Variants in DYNC1LI2 observed in about 807,000 individuals in gnomAD.
DYNC1LI2 encodes the protein dynein cytoplasmic 1 light intermediate chain 2.
DYNC1LI2 carries 19 observed loss-of-function variants against 57.8 expected under a neutral mutation model. The observed-to-expected ratio is 0.33, with a 90% CI of 0.23 to 0.48. The LOEUF (loss-of-function observed/expected upper bound fraction) is 0.48, where lower values mean the gene tolerates loss of function less well. Ranked by LOEUF, DYNC1LI2 falls within the 20% of genes least tolerant of loss-of-function variation. DYNC1LI2 has a pLI of 0.99. For missense variants in DYNC1LI2, 470 were observed against 604.2 expected, an observed-to-expected ratio of 0.78 and a Z score of 2.33; for synonymous variants, 256 against 233.4, an observed-to-expected ratio of 1.10 and a Z score of -0.88.
chr16:66,751,426 G>C lies in DYNC1LI2; in HGVS notation c.107+59C>G, dbSNP rs1567460277. ...CTCGCGTCGGCCCCTCAGTGTGTCC[G>C]ACGGTCCGGCCCAGAGGCCGCGCCC... is the stretch of plus-strand genomic sequence containing the variant. On this transcript the variant is annotated intron_variant, in intron 1 of 12. Transcript: ENST00000258198. The surrounding 1 kb of genome is among the most constrained non-coding windows in gnomAD (Gnocchi z 5.2). 1 of 1,587,904 alleles carries C rather than the reference G, an allele frequency of 6.3e-7. No individual in the cohort carries two copies. The highest frequency in any genetic ancestry group is 8.6e-7 in the Non-Finnish European group (1 of 1,169,536).
At chr16:66,742,805 C>T (rs1282812699) in intron 3 of DYNC1LI2, 137 bp from the exon 4 acceptor site, 11 of 932,882 alleles carry the variant, frequency 1.2e-5, no homozygotes, top group Non-Finnish European at 1.6e-5. Context: ...GAAATCCAAA[C>T]CAAAAAGTGC....
At chr16:66,736,658 C>T (rs953487426) in intron 4 of DYNC1LI2, among the ~76,000 whole-genome samples, 20 of 152,128 alleles carry the variant, frequency 1.3e-4, no homozygotes, top group Admixed American at 6.5e-5. Context: ...CCACCATGCC[C>T]AGCTACTTTT....
chr16:66,732,408 ATATACT>A lies in DYNC1LI2; in HGVS notation c.854_859del (p.Lys285_Tyr286del). The A allele has an allele frequency of 6.2e-7, 1 of 1,614,028 alleles. No homozygotes were observed. Among genetic ancestry groups the A allele is most frequent in the Non-Finnish European group, 8.5e-7 (1 of 1,180,000 alleles). On this transcript the variant is annotated inframe_deletion, in exon 7 of 13. Transcript: ENST00000258198. Reference sequence around the variant, plus strand: ...GTGGAAACCGTATGTTTTATGAACAATATACTTATACAACAAGTCGAGGTTTTTCTC... The same window carrying A: ...GTGGAAACCGTATGTTTTATGAACAATATACAACAAGTCGAGGTTTTTCTC...
Position 66,751,230 on chromosome 16 carries a change from C to T in DYNC1LI2, c.181+43G>A. The T allele has an allele frequency of 6.3e-7, 1 of 1,596,858 alleles. No homozygotes were observed. The highest frequency in any genetic ancestry group is 1.8e-4 in the Middle Eastern group (1 of 5,462). On this transcript the variant is annotated intron_variant, in intron 2 of 12. Coordinates refer to ENST00000258198, the MANE Select transcript of DYNC1LI2 (RefSeq NM_006141.3). The surrounding 1 kb of genome is among the most constrained non-coding windows in gnomAD (Gnocchi z 5.2). ...CCTGAGGGAGGGGCGCCCGCCTCGC[C>T]CACCCCAGCGACCTGGGGCAACGCC...
At position 66,722,059 on chromosome 16, in the gene DYNC1LI2, C is replaced by T; in HGVS notation, c.*1663G>A. 1 of 152,618 alleles carries T rather than the reference C, an allele frequency of 6.6e-6. No individual in the cohort carries two copies. 9.5% of individuals were successfully genotyped at this position (152,618 alleles called of 1,614,324 possible). The stretch of plus-strand genomic sequence containing the variant: ...TTAAAAAAGGAAAAAAATAGTATAT[C>T]TCAACAATAAAACTGGCACAAGAAA... On this transcript the variant is annotated 3_prime_UTR_variant, in exon 13 of 13. Transcript: ENST00000258198.
chr16:66,732,155 AC>A (rs2017648310), intron 7 of DYNC1LI2, 183 bp downstream of exon 7: 1 of 791,980 alleles, frequency 1.3e-6, no homozygotes, highest in Admixed American at 3.3e-5. Flanking sequence ...AGCACCCCTG[AC>A]CACACCACCC....
intron 3 of DYNC1LI2, among the ~76,000 whole-genome samples, chr16:66,748,248 A>T (rs2017973358): frequency 7.3e-6 from 1 of 137,460 alleles, no homozygotes; most frequent in Admixed American, 8.2e-5. Flanking sequence ...ACTGCACCCC[A>T]GCCTGGGTGA....
chr16:66,751,192 G>C lies in DYNC1LI2; in HGVS notation c.181+81C>G, dbSNP rs949491339. The C allele has an allele frequency of 6.8e-7, 1 of 1,473,732 alleles. No individual in the cohort carries two copies. Among genetic ancestry groups the C allele is most frequent in the South Asian group, 1.2e-5 (1 of 80,328 alleles). The allele number at this position is 1,473,732 out of a possible 1,614,324, so 91.3% of individuals were successfully genotyped here. On this transcript the variant is annotated intron_variant, in intron 2 of 12. Coordinates refer to ENST00000258198, the MANE Select transcript of DYNC1LI2 (RefSeq NM_006141.3). The surrounding 1 kb of genome is among the most constrained non-coding windows in gnomAD (Gnocchi z 5.2). ...AGGCTGCGGGCAGGCGGCTGGAACG[G>C]GGAAGGCGGGGACCTGAGGGAGGGG... is the stretch of plus-strand genomic sequence containing the variant.
At chr16:66,738,045 C>T (rs183800619) in intron 4 of DYNC1LI2, among the ~76,000 whole-genome samples, 23 of 152,290 alleles carry the variant, frequency 1.5e-4, no homozygotes, top group African/African-American at 5.1e-4. Context: ...AAAGGTCCTA[C>T]CTGCTCCTCT....
chr16:66,737,923 A>G lies in DYNC1LI2; in HGVS notation c.530-1679T>C, dbSNP rs936818543. Among the ~76,000 whole-genome samples, 4 of 152,196 alleles carry G rather than the reference A, an allele frequency of 2.6e-5. No individual in the cohort carries two copies. The East Asian group carries it at 7.7e-4, about 29-fold the overall frequency. On this transcript the variant is annotated intron_variant, in intron 4 of 12. Transcript: ENST00000258198. ...TTAAAGCTACCTTGAGCCAGAGAAG[A>G]AAACAGGCAGCTCTACCCTTCTAAG...
At chr16:66,733,620 G>A (rs918958726) in intron 6 of DYNC1LI2, 10 of 152,848 alleles carry the variant, frequency 6.5e-5, no homozygotes, top group Middle Eastern at 3.3e-3. Context: ...CAGGAGGGTC[G>A]CTTGAACATA....
In DYNC1LI2 at chr16:66,721,237, A is replaced by G. The variant is rs1308345661; in HGVS notation, c.*2485T>C. Reference sequence around the variant, plus strand: ...CCAATCAAAAAAAAGTGCAAACAAAATAACAATCTAGCAGCATTATCTGTT... The same window carrying G: ...CCAATCAAAAAAAAGTGCAAACAAAGTAACAATCTAGCAGCATTATCTGTT... On this transcript the variant is annotated 3_prime_UTR_variant, in exon 13 of 13. Transcript: ENST00000258198. 1 of 152,642 alleles carries G rather than the reference A, an allele frequency of 6.6e-6. No individual in the cohort carries two copies. The highest frequency in any genetic ancestry group is 1.5e-5 in the Non-Finnish European group (1 of 68,032). The allele number at this position is 152,642 out of a possible 1,614,324, so 9.5% of individuals were successfully genotyped here.
rs899733962 is a variant in DYNC1LI2, at chr16:66,723,590, T to G, written c.*132A>C. On this transcript the variant is annotated 3_prime_UTR_variant, in exon 13 of 13. Transcript: ENST00000258198. Reference sequence around the variant, plus strand: ...ACTCGGACAAGCCAATGAAGTTTTTTTTTTTTTTTTAAAGTTCATCTCCCC... The same window carrying G: ...ACTCGGACAAGCCAATGAAGTTTTTGTTTTTTTTTTAAAGTTCATCTCCCC... 2 of 765,098 alleles carry G rather than the reference T, an allele frequency of 2.6e-6. No individual in the cohort carries two copies. Among genetic ancestry groups the G allele is most frequent in the Admixed American group, 2.9e-5 (1 of 34,962 alleles). 47.4% of individuals were successfully genotyped at this position (765,098 alleles called of 1,614,324 possible).
chr16:66,724,315 C>T (rs149201396), intron 12 of DYNC1LI2, among the ~76,000 whole-genome samples: 1 of 152,130 alleles, frequency 6.6e-6, no homozygotes, highest in African/African-American at 2.4e-5. Flanking sequence ...AAAATCTATA[C>T]TTGTATTTTT....
chr16:66,736,198 T>A lies in DYNC1LI2; in HGVS notation c.576A>T (p.Gln192His), dbSNP rs747482221. The change falls in exon 5 of 13, where the codon CAA (glutamine) becomes CAT (histidine). Residue 192 changes from glutamine to histidine, a missense_variant. Coordinates refer to ENST00000258198, the MANE Select transcript of DYNC1LI2 (RefSeq NM_006141.3). Reference protein sequence around the residue: ...QDYMEPEEGCQGSPQRRGPLT... With the variant: ...QDYMEPEEGCHGSPQRRGPLT... The stretch of plus-strand genomic sequence containing the variant: ...GAGGGCCTCTTCTCTGTGGGGAACC[T>A]TGACAACCTTCTTCAGGTTCCATAT... The A allele has an allele frequency of 3.1e-6, 5 of 1,614,116 alleles. No homozygotes were observed. The highest frequency in any genetic ancestry group is 4.2e-6 in the Non-Finnish European group (5 of 1,180,028).
intron 4 of DYNC1LI2, among the ~76,000 whole-genome samples, chr16:66,738,629 A>G (rs12917741): frequency 0.48 from 72,623 of 151,586 alleles, 17,966 homozygotes; most frequent in East Asian, 0.63. Context: ...GTAATCCCAG[A>G]ACTGTGGCAG....
At position 66,751,548 on chromosome 16, in the gene DYNC1LI2, T is replaced by C. The variant is rs779213659; in HGVS notation, c.44A>G (p.Asn15Ser). 8.2e-6 allele frequency: 13 copies of C among 1,587,006 alleles called. No homozygotes were observed. The highest frequency in any genetic ancestry group is 1.7e-4 in the Middle Eastern group (1 of 6,000). Residue 15 changes from asparagine (N) to serine (S), a missense_variant, in exon 1 of 13, where the codon AAC becomes AGC. Asn to Ser is a conservative substitution (Grantham distance 46). Transcript: ENST00000258198. This position sits in a 1 kb window ranked among gnomAD's most constrained non-coding sequence, Gnocchi z 5.2. ...GCCGGCGGCCGCCACCGCGGGCCCGTTGGGACCTAGCAGCAGCTTCTTCTC... is the reference window on the plus strand; with the variant it reads ...GCCGGCGGCCGCCACCGCGGGCCCGCTGGGACCTAGCAGCAGCTTCTTCTC... The part of the protein sequence containing the change: ...GVEKKLLLGP[N>S]GPAVAAAGDL...
intron 3 of DYNC1LI2, among the ~76,000 whole-genome samples, chr16:66,748,300 A>AC (rs2017976296): frequency 6.7e-6 from 1 of 150,016 alleles, no homozygotes; most frequent in African/African-American, 2.4e-5. Flanking sequence ...AAAAAAAAAA[A>AC]AAAAACTAAC....
At chr16:66,749,168 C>A (rs769665574) in intron 3 of DYNC1LI2, 29 bp downstream of exon 3, 1 of 1,610,586 alleles carries the variant, frequency 6.2e-7, no homozygotes, top group Non-Finnish European at 8.5e-7. Flanking sequence ...GCATACACCC[C>A]CTTACCATGG....
Sources: gnomAD v4.1 joint callset for allele counts (sites outside exome capture counted in the v4.1 genomes callset) on GRCh38, gnomAD v4.1.1 for gene constraint, Gnocchi (gnomAD v3.1) non-coding constraint, MANE v1.5 for transcripts, NCBI Gene and HGNC (gene_info 2026-07-23, HGNC 2026-07-21) for gene names.